ZNF431: variants seen among roughly 807,000 people sequenced by gnomAD.
ZNF431 encodes the protein zinc finger protein 431.
In ZNF431, 34 loss-of-function variants were observed where a neutral mutation model predicts 57.0. That is an observed-to-expected ratio of 0.60 (90% CI 0.45 to 0.79). The LOEUF (loss-of-function observed/expected upper bound fraction) is 0.79, where lower values mean the gene tolerates loss of function less well. ZNF431 is among the 30% of genes least tolerant of loss of function. ZNF431 has a pLI of 0.00. For synonymous variants in ZNF431, 207 were observed against 220.3 expected (o/e 0.94, Z 0.54); for missense variants, 607 against 667.1 (o/e 0.91, Z 0.99).
At chr19:21,164,755 C>T (rs1296543595) in intron 2 of ZNF431, among the ~76,000 whole-genome samples, 1 of 151,930 alleles carries the variant, frequency 6.6e-6, no homozygotes, top group Non-Finnish European at 1.5e-5. Context: ...TGTTTTTCCT[C>T]CCCAGTGAGT....
At position 21,187,714 on chromosome 19, in the gene ZNF431, G is replaced by A. The variant is rs1209503828; in HGVS notation, c.*3680G>A. On this transcript the variant is annotated 3_prime_UTR_variant, in exon 5 of 5. Transcript: ENST00000311048. ...GATTGCACCATTGCACTCCAGTCTG[G>A]GCGACAAGAGGGAAACTCCATCTGA... is the stretch of plus-strand genomic sequence containing the variant. 6.6e-6 allele frequency: 1 copy of A among 152,032 alleles called. No homozygotes were observed. Among genetic ancestry groups the A allele is most frequent in the Non-Finnish European group, 1.5e-5 (1 of 68,034 alleles). The allele number at this position is 152,032 out of a possible 1,614,324, so 9.4% of individuals were successfully genotyped here.
Position 21,177,849 on chromosome 19 carries a change from AT to A in ZNF431, c.320-4762del, listed in dbSNP as rs373231033. Reference sequence around the variant, plus strand: ...TTTTGGGTTTTCATATGAGTTTTAAATTTTTTTTTTTTCTAATTCTGTGAAG... The same window carrying A: ...TTTTGGGTTTTCATATGAGTTTTAAATTTTTTTTTTTCTAATTCTGTGAAG... On this transcript the variant is annotated intron_variant, in intron 4 of 4. Coordinates refer to ENST00000311048, the MANE Select transcript of ZNF431 (RefSeq NM_133473.4). Among the ~76,000 whole-genome samples the A allele has an allele frequency of 6.0e-3, 886 of 147,910 alleles. 4 individuals are homozygous for A. The highest frequency in any genetic ancestry group is 9.5e-3 in the Admixed American group (141 of 14,850).
Position 21,177,214 on chromosome 19 carries a change from A to T in ZNF431, c.320-5409A>T, listed in dbSNP as rs182342073. On this transcript the variant is annotated intron_variant, in intron 4 of 4. Transcript: ENST00000311048. The stretch of plus-strand genomic sequence containing the variant: ...TCTTGAGTTAATTTTTTATAGGCAT[A>T]AGAAAGAGGTCCAATTTCAATTTTC... 7.2e-5 allele frequency among the ~76,000 whole-genome samples: 11 copies of T among 152,262 alleles called. No individual in the cohort carries two copies. In the East Asian group the frequency reaches 1.9e-3, roughly 27 times the overall value.
chr19:21,153,224 C>T (rs1386415828), intron 2 of ZNF431, among the ~76,000 whole-genome samples: 1 of 152,204 alleles, frequency 6.6e-6, no homozygotes, highest in Non-Finnish European at 1.5e-5. Context: ...AGCTTCTATA[C>T]TGCAAACTGT....
intron 2 of ZNF431, among the ~76,000 whole-genome samples, chr19:21,164,969 G>A (rs940924877): frequency 2.6e-5 from 4 of 151,468 alleles, no homozygotes; most frequent in African/African-American, 9.7e-5. Context: ...AATTAGACAG[G>A]CATGGTAGCA....
intron 2 of ZNF431, chr19:21,150,404 A>G: frequency 3.2e-6 from 1 of 309,658 alleles, no homozygotes; most frequent in Admixed American, 4.1e-5. Context: ...GGTTGGAGCC[A>G]CCTTCTTCCC....
intron 4 of ZNF431, among the ~76,000 whole-genome samples, chr19:21,172,855 T>C (rs929271488): frequency 2.6e-5 from 4 of 152,174 alleles, no homozygotes; most frequent in African/African-American, 9.7e-5. Context: ...TGCAAAAGAC[T>C]TCTAGAAATT....
At position 21,188,266 on chromosome 19, in the gene ZNF431, A is replaced by G. The variant is rs1355518654; in HGVS notation, c.*4232A>G. The G allele has an allele frequency of 1.3e-5, 2 of 152,004 alleles. No individual in the cohort carries two copies. Among genetic ancestry groups the G allele is most frequent in the East Asian group, 3.8e-4 (2 of 5,196 alleles). 9.4% of individuals were successfully genotyped at this position (152,004 alleles called of 1,614,324 possible). ...AGAGCGAAATTCTGTCTAAAAAAAA[A>G]AAAAAAAGATAAAAGGTGCAATACT... On this transcript the variant is annotated 3_prime_UTR_variant, in exon 5 of 5. Coordinates refer to ENST00000311048, the MANE Select transcript of ZNF431 (RefSeq NM_133473.4).
At chr19:21,179,052 A>T (rs140512518) in intron 4 of ZNF431, among the ~76,000 whole-genome samples, 3 of 152,036 alleles carry the variant, frequency 2.0e-5, no homozygotes, top group African/African-American at 7.2e-5. Context: ...AGAACTTGTC[A>T]TTGGTCTATG....
intron 2 of ZNF431, chr19:21,149,692 G>T: frequency 1.7e-6 from 1 of 585,268 alleles, no homozygotes; most frequent in Non-Finnish European, 3.2e-6. Flanking sequence ...GCCTTTTTGA[G>T]CTTGGCGATC....
chr19:21,174,835 C>T lies in ZNF431; in HGVS notation c.319+7169C>T, dbSNP rs184490127. The stretch of plus-strand genomic sequence containing the variant: ...CACCCAGGCTGGAGAGCAATGGCAT[C>T]GATCTCTGCTCACTGCAACCTCCAC... On this transcript the variant is annotated intron_variant, in intron 4 of 4. Coordinates refer to ENST00000311048, the MANE Select transcript of ZNF431 (RefSeq NM_133473.4). Among the ~76,000 whole-genome samples the T allele has an allele frequency of 9.9e-5, 15 of 152,042 alleles. No homozygotes were observed. In the East Asian group the frequency reaches 2.1e-3, roughly 22 times the overall value.
chr19:21,148,976 A>C (rs1970188962), intron 2 of ZNF431, among the ~76,000 whole-genome samples: 1 of 152,206 alleles, frequency 6.6e-6, no homozygotes, highest in Admixed American at 6.5e-5. Context: ...TGACCTTTAA[A>C]TTGTACAACA....
Position 21,142,161 on chromosome 19 carries a change from C to T in ZNF431, c.-23C>T, listed in dbSNP as rs1249395112. On this transcript the variant is annotated 5_prime_UTR_variant, in exon 1 of 5. Transcript: ENST00000311048. ...ATTGGGAGACCCACAGCTAAGACACCGGGACCCCCTGAAAGCCTAGAAATG... is the reference window on the plus strand; with the variant it reads ...ATTGGGAGACCCACAGCTAAGACACTGGGACCCCCTGAAAGCCTAGAAATG... 4.3e-6 allele frequency: 7 copies of T among 1,612,340 alleles called. No homozygotes were observed. The highest frequency in any genetic ancestry group is 1.6e-4 in the Middle Eastern group (1 of 6,080).
intron 4 of ZNF431, among the ~76,000 whole-genome samples, chr19:21,177,295 A>G (rs972931431): frequency 6.6e-6 from 1 of 152,134 alleles, no homozygotes; most frequent in Non-Finnish European, 1.5e-5. Flanking sequence ...ATCCTTTTCC[A>G]TTGCTTGTTT....
At chr19:21,180,535 T>C (rs541672682) in intron 4 of ZNF431, among the ~76,000 whole-genome samples, 12 of 150,174 alleles carry the variant, frequency 8.0e-5, no homozygotes, top group Non-Finnish European at 1.0e-4. Flanking sequence ...GTACTTATCT[T>C]GGTATGCTTT....
intron 2 of ZNF431, chr19:21,149,970 G>T: frequency 1.7e-6 from 1 of 590,284 alleles, no homozygotes. Context: ...TCCACATCAT[G>T]CGCAATCACC....
At chr19:21,167,002 A>T (rs767861023) in intron 3 of ZNF431, among the ~76,000 whole-genome samples, 11 of 152,048 alleles carry the variant, frequency 7.2e-5, no homozygotes, top group South Asian at 4.1e-4. Flanking sequence ...CTGGGATTAC[A>T]GGTGCACACC....
intron 2 of ZNF431, among the ~76,000 whole-genome samples, chr19:21,157,794 C>T (rs1401916734): frequency 2.0e-5 from 3 of 151,908 alleles, no homozygotes; most frequent in Non-Finnish European, 2.9e-5. Context: ...TCCCAAAGTG[C>T]TGGGATTACA....
chr19:21,157,836 A>G (rs370959295), intron 2 of ZNF431, among the ~76,000 whole-genome samples: 99 of 146,546 alleles, frequency 6.8e-4, no homozygotes, highest in African/African-American at 2.3e-3. Context: ...CCATTTGTCT[A>G]CTTTTTAATG....
Sources: gnomAD v4.1 joint callset for allele counts (sites outside exome capture counted in the v4.1 genomes callset) on GRCh38, gnomAD v4.1.1 for gene constraint, MANE v1.5 for transcripts, NCBI Gene and HGNC (gene_info 2026-07-23, HGNC 2026-07-21) for gene names.